The following LNPEP variants were observed in gnomAD, a reference collection of about 807,000 sequenced individuals.
The protein encoded by LNPEP is leucyl-cystinyl aminopeptidase.
Under a neutral mutation model 120.6 loss-of-function variants are expected in LNPEP, and 64 were observed. That is an observed-to-expected ratio of 0.53 (90% confidence interval 0.43 to 0.65). LNPEP has a LOEUF of 0.65. LNPEP is among the 30% of genes least tolerant of loss of function. The probability of loss-of-function intolerance (pLI) is 0.00; values close to 1 mark genes in which losing one functional copy is unlikely to be tolerated. For missense variants in LNPEP, 1,057 were observed against 1,200.0 expected (o/e 0.88, Z 1.76); for synonymous variants, 435 against 425.4 (o/e 1.02, Z -0.28).
intron 13 of LNPEP, among the ~76,000 whole-genome samples, chr5:97,016,360 A>C (rs1224836550): frequency 6.6e-6 from 1 of 152,138 alleles, no homozygotes; most frequent in African/African-American, 2.4e-5. Flanking sequence ...GTGCTTTTAC[A>C]CACCGTGCTT....
intron 1 of LNPEP, among the ~76,000 whole-genome samples, chr5:96,972,527 C>G (rs1187098920): frequency 6.6e-6 from 1 of 152,074 alleles, no homozygotes; most frequent in Non-Finnish European, 1.5e-5. Flanking sequence ...AAACCTTGTG[C>G]AAACTTCTGT....
At chr5:96,965,241 T>C (rs1789699998) in intron 1 of LNPEP, among the ~76,000 whole-genome samples, 1 of 152,244 alleles carries the variant, frequency 6.6e-6, no homozygotes, top group East Asian at 1.9e-4. Context: ...ATTTTGCATT[T>C]GGGTCCACTA....
At chr5:97,024,312 G>A (rs1791286306) in intron 14 of LNPEP, among the ~76,000 whole-genome samples, 2 of 152,126 alleles carry the variant, frequency 1.3e-5, no homozygotes, top group South Asian at 4.1e-4. Context: ...TGAGTACTCT[G>A]TGAATATTAA....
At position 97,035,851 on chromosome 5, in the gene LNPEP, G is replaced by A. The variant is rs1791564112; in HGVS notation, c.*7318G>A. Reference sequence around the variant, plus strand: ...CAGGAGAAGACACTCAGCTATGGTTGAGTTGTGAAAGCTAATTAGATCCAG... The same window carrying A: ...CAGGAGAAGACACTCAGCTATGGTTAAGTTGTGAAAGCTAATTAGATCCAG... On this transcript the variant is annotated 3_prime_UTR_variant, in exon 18 of 18. Coordinates refer to ENST00000231368, the MANE Select transcript of LNPEP (RefSeq NM_005575.3). 1 of 152,208 alleles carries A rather than the reference G, an allele frequency of 6.6e-6. No individual in the cohort carries two copies. Among genetic ancestry groups the A allele is most frequent in the Non-Finnish European group, 1.5e-5 (1 of 68,024 alleles). The allele number at this position is 152,208 out of a possible 1,614,324, so 9.4% of individuals were successfully genotyped here.
chr5:96,985,699 G>A (rs959033288), intron 3 of LNPEP, among the ~76,000 whole-genome samples: 2 of 151,864 alleles, frequency 1.3e-5, no homozygotes, highest in Non-Finnish European at 2.9e-5. Flanking sequence ...TGCAGTGAGG[G>A]TGAAACCAAT....
In LNPEP at chr5:96,946,773, T is replaced by C. The variant is rs529310694; in HGVS notation, c.19+10599T>C. ...CCTGGTGTTTTATCAATCCAATGAGTCACATGGAAAAGTATTACAAAAAAT... is the reference window on the plus strand; with the variant it reads ...CCTGGTGTTTTATCAATCCAATGAGCCACATGGAAAAGTATTACAAAAAAT... On this transcript the variant is annotated intron_variant, in intron 1 of 17. Transcript: ENST00000231368. Among the ~76,000 whole-genome samples, 3 of 152,256 alleles carry C rather than the reference T, an allele frequency of 2.0e-5. No individual in the cohort carries two copies. The South Asian group carries it at 6.2e-4, about 32-fold the overall frequency.
intron 1 of LNPEP, among the ~76,000 whole-genome samples, chr5:96,938,664 G>A (rs1439744666): frequency 6.6e-6 from 1 of 152,102 alleles, no homozygotes; most frequent in Non-Finnish European, 1.5e-5. Flanking sequence ...TGGTTCATTT[G>A]ATGAATATCC....
intron 8 of LNPEP, among the ~76,000 whole-genome samples, chr5:96,999,096 G>A (rs1476182473): frequency 6.6e-6 from 1 of 152,122 alleles, no homozygotes; most frequent in Admixed American, 6.6e-5. Context: ...GAAGGCTCTG[G>A]ATACCATAAG....
chr5:97,028,320 T>G, intron 17 of LNPEP, 82 bp from the exon 18 acceptor site: 1 of 1,310,266 alleles, frequency 7.6e-7, no homozygotes, highest in African/African-American at 1.5e-5. Flanking sequence ...ATCACTAAGT[T>G]AAAGCTTATT....
At chr5:96,992,841 G>C (rs1790424553) in intron 4 of LNPEP, among the ~76,000 whole-genome samples, 174 bp from the exon 5 acceptor site, 1 of 152,118 alleles carries the variant, frequency 6.6e-6, no homozygotes, top group African/African-American at 2.4e-5. Context: ...ATGTGTGGAA[G>C]GGACTTGGTA....
chr5:96,943,730 A>G (rs983416173), intron 1 of LNPEP, among the ~76,000 whole-genome samples: 6 of 152,382 alleles, frequency 3.9e-5, no homozygotes, highest in African/African-American at 1.4e-4. Flanking sequence ...CCAAATAAGG[A>G]AAATTCAAGC....
At position 97,031,189 on chromosome 5, in the gene LNPEP, A is replaced by C. The variant is rs1398701439; in HGVS notation, c.*2656A>C. ...TCATCATACTAGATTATTAAAAAAGAATTGGAAATCTTGAGTTGTGGAAGA... is the reference window on the plus strand; with the variant it reads ...TCATCATACTAGATTATTAAAAAAGCATTGGAAATCTTGAGTTGTGGAAGA... On this transcript the variant is annotated 3_prime_UTR_variant, in exon 18 of 18. Coordinates refer to ENST00000231368, the MANE Select transcript of LNPEP (RefSeq NM_005575.3). 6.6e-6 allele frequency: 1 copy of C among 151,068 alleles called. No individual in the cohort carries two copies. The highest frequency in any genetic ancestry group is 1.5e-5 in the Non-Finnish European group (1 of 67,846). The allele number at this position is 151,068 out of a possible 1,614,324, so 9.4% of individuals were successfully genotyped here. A position where few individuals can be genotyped will look rare whatever the true frequency, so the allele number is the denominator to read the frequency against.
chr5:96,978,698 C>A (rs1790055702), intron 1 of LNPEP, among the ~76,000 whole-genome samples: 1 of 152,002 alleles, frequency 6.6e-6, no homozygotes, highest in African/African-American at 2.4e-5. Context: ...GTGCCCAAAC[C>A]CTAGAAGGGG....
intron 1 of LNPEP, among the ~76,000 whole-genome samples, chr5:96,952,629 T>A (rs1789350503): frequency 6.6e-6 from 1 of 152,240 alleles, no homozygotes; most frequent in African/African-American, 2.4e-5. Context: ...GTGCGGATTC[T>A]ACCGTCATTT....
At chr5:96,993,156 C>T in intron 5 of LNPEP, 21 bp downstream of exon 5, 1 of 1,517,706 alleles carries the variant, frequency 6.6e-7, no homozygotes. Flanking sequence ...AATAGTGTGT[C>T]TGATTTTTGT....
rs1248607635 is a variant in LNPEP at position 96,979,650 on chromosome 5, G to A, written c.532G>A (p.Glu178Lys). The change falls in exon 2 of 18, where the codon GAA (glutamate) becomes AAA (lysine). Residue 178 changes from glutamate to lysine, a missense_variant. Transcript: ENST00000231368. ...CACTGCCGTTGTGCCACTACGCTATGAACTCAGCCTACACCCGAACCTAAC... is the reference window on the plus strand; with the variant it reads ...CACTGCCGTTGTGCCACTACGCTATAAACTCAGCCTACACCCGAACCTAAC... ...LPTAVVPLRY[E>K]LSLHPNLTSM... 1 of 1,613,964 alleles carries A rather than the reference G, an allele frequency of 6.2e-7. No homozygotes were observed. Among genetic ancestry groups the A allele is most frequent in the African/African-American group, 1.3e-5 (1 of 74,920 alleles).
At chr5:96,943,042 T>A (rs985788802) in intron 1 of LNPEP, 11 of 224,500 alleles carry the variant, frequency 4.9e-5, no homozygotes, top group Non-Finnish European at 1.0e-4. Flanking sequence ...AAACTTCTTA[T>A]GAAGGTTCTG....
At chr5:96,954,693 C>CACATATAT (rs1185851618) in intron 1 of LNPEP, among the ~76,000 whole-genome samples, 1 of 53,406 alleles carries the variant, frequency 1.9e-5, no homozygotes, top group African/African-American at 7.2e-5. Context: ...TACATATATA[C>CACATATAT]ACATATATAC....
In LNPEP at chr5:96,945,012, T is replaced by C. The variant is rs543737732; in HGVS notation, c.19+8838T>C. ...GGGTTCTTAATATGTAGACGAAGCC[T>C]CCAGGTAGCAGGCTTTCAGAGAATA... On this transcript the variant is annotated intron_variant, in intron 1 of 17. Coordinates refer to ENST00000231368, the MANE Select transcript of LNPEP (RefSeq NM_005575.3). 4.6e-5 allele frequency among the ~76,000 whole-genome samples: 7 copies of C among 152,242 alleles called. No homozygotes were observed. In the South Asian group the frequency reaches 1.5e-3, roughly 32 times the overall value.
Sources: allele counts gnomAD v4.1 joint callset (sites outside exome capture counted in the v4.1 genomes callset), GRCh38; gene constraint gnomAD v4.1.1; transcripts MANE v1.5; gene names NCBI Gene and HGNC (gene_info 2026-07-23, HGNC 2026-07-21).